The following AP3D1 variants were observed in gnomAD, a reference collection of about 807,000 sequenced individuals.
AP3D1 encodes adaptor related protein complex 3 subunit delta 1.
Under a neutral mutation model 147.6 loss-of-function variants are expected in AP3D1, and 51 were observed. That is an observed-to-expected ratio of 0.35 (90% confidence interval 0.28 to 0.44). The LOEUF is 0.44. Ranked by LOEUF, AP3D1 falls within the 20% of genes least tolerant of loss-of-function variation. The pLI is 1.00. For missense variants in AP3D1, 1,421 were observed against 1,624.2 expected, an observed-to-expected ratio of 0.87 and a Z score of 2.15; for synonymous variants, 760 against 663.0, an observed-to-expected ratio of 1.15 and a Z score of -2.25.
Position 2,150,839 on chromosome 19 carries a change from G to C in AP3D1, c.96+400C>G, listed in dbSNP as rs1014997874. Among the ~76,000 whole-genome samples, 3 of 152,336 alleles carry C rather than the reference G, an allele frequency of 2.0e-5. No individual in the cohort carries two copies. In the East Asian group the frequency reaches 5.8e-4, roughly 29 times the overall value. ...ACTCAGGTTGAAGAAGCTCTGCCCAGAGACCTCGCAAGTCTCCTGGGAGGG... is the reference window on the plus strand; with the variant it reads ...ACTCAGGTTGAAGAAGCTCTGCCCACAGACCTCGCAAGTCTCCTGGGAGGG... On this transcript the variant is annotated intron_variant, in intron 1 of 31. Coordinates refer to ENST00000643116, the MANE Select transcript of AP3D1 (RefSeq NM_001261826.3).
intron 1 of AP3D1, among the ~76,000 whole-genome samples, chr19:2,162,222 G>C (rs1208320435): frequency 1.3e-5 from 2 of 150,446 alleles, no homozygotes; most frequent in East Asian, 4.1e-4. Context: ...ATTTTTAGTA[G>C]AGACGGGGTT....
intron 14 of AP3D1, among the ~76,000 whole-genome samples, chr19:2,119,460 G>A (rs577332343): frequency 1.4e-4 from 22 of 152,170 alleles, no homozygotes; most frequent in South Asian, 1.0e-3. Flanking sequence ...TTGGGACGCC[G>A]AGGCGGGCGG....
intron 1 of AP3D1, among the ~76,000 whole-genome samples, chr19:2,157,451 A>AAAAAAAAAG (rs2019656022): frequency 2.6e-5 from 2 of 78,006 alleles, no homozygotes; most frequent in East Asian, 6.3e-4. Context: ...CAAAAAAAAA[A>AAAAAAAAAG]AAAAAAAAAG....
intron 2 of AP3D1, among the ~76,000 whole-genome samples, chr19:2,138,107 G>C (rs1400752434): frequency 6.6e-6 from 1 of 152,168 alleles, no homozygotes; most frequent in Non-Finnish European, 1.5e-5. Context: ...TTGGCGAATC[G>C]GCTCCTTGAA....
At chr19:2,110,647 A>G (rs960766488) in intron 27 of AP3D1, 60 bp downstream of exon 27, 1 of 1,474,450 alleles carries the variant, frequency 6.8e-7, no homozygotes, top group African/African-American at 1.4e-5. Flanking sequence ...CCGGGCAGTC[A>G]CCAGCTGCCA....
intron 9 of AP3D1, among the ~76,000 whole-genome samples, chr19:2,125,754 T>C (rs943559108): frequency 2.0e-5 from 3 of 151,796 alleles, no homozygotes; most frequent in Non-Finnish European, 4.4e-5. Context: ...GTTAATTATC[T>C]GAATTGTGCT....
At chr19:2,129,540 T>C in intron 6 of AP3D1, 83 bp from the exon 7 acceptor site, 4 of 1,487,164 alleles carry the variant, frequency 2.7e-6, no homozygotes, top group Non-Finnish European at 3.6e-6. Context: ...CGCGAGGAAG[T>C]TCTGGGGCCT....
intron 1 of AP3D1, among the ~76,000 whole-genome samples, chr19:2,162,554 G>C (rs1025232838): frequency 5.9e-5 from 9 of 151,270 alleles, no homozygotes; most frequent in African/African-American, 2.2e-4. Context: ...CCAGCTACTC[G>C]GGAGGCTGAG....
chr19:2,104,994 C>G (rs1568271905), intron 31 of AP3D1, among the ~76,000 whole-genome samples: 1 of 152,106 alleles, frequency 6.6e-6, no homozygotes, highest in Non-Finnish European at 1.5e-5. Flanking sequence ...TTTAAAGTAG[C>G]TGTTAGGAAA....
intron 1 of AP3D1, among the ~76,000 whole-genome samples, chr19:2,147,530 TGG>T (rs1356627255): frequency 1.4e-5 from 2 of 145,338 alleles, no homozygotes; most frequent in Non-Finnish European, 3.0e-5. Context: ...CACTCCAGCC[TGG>T]GCAACACAGC....
At chr19:2,127,617 C>T (rs2018794372) in intron 8 of AP3D1, among the ~76,000 whole-genome samples, 1 of 152,232 alleles carries the variant, frequency 6.6e-6, no homozygotes, top group Admixed American at 6.5e-5. Context: ...CTCCGCCTCT[C>T]AGGTTCAAGC....
intron 4 of AP3D1, among the ~76,000 whole-genome samples, chr19:2,136,159 C>A (rs183815241): frequency 6.6e-6 from 1 of 152,302 alleles, no homozygotes; most frequent in East Asian, 1.9e-4. Flanking sequence ...GCGGCCCAGG[C>A]GGGACGCCCA....
intron 1 of AP3D1, among the ~76,000 whole-genome samples, chr19:2,146,010 G>A (rs186005471): frequency 6.6e-6 from 1 of 150,668 alleles, no homozygotes; most frequent in Non-Finnish European, 1.5e-5. Flanking sequence ...TTGCTGCTGG[G>A]AGAAGCTCTG....
intron 1 of AP3D1, among the ~76,000 whole-genome samples, chr19:2,139,644 G>C (rs549508200): frequency 1.3e-5 from 2 of 152,306 alleles, no homozygotes; most frequent in Admixed American, 6.5e-5. Flanking sequence ...GGCTTGGAGT[G>C]CCTCCATCAG....
chr19:2,122,339 AC>A (rs1350863565), intron 11 of AP3D1, among the ~76,000 whole-genome samples: 2 of 152,204 alleles, frequency 1.3e-5, no homozygotes, highest in Non-Finnish European at 2.9e-5. Flanking sequence ...AGATGCCACA[AC>A]CTAAGCCAGG....
At chr19:2,122,547 C>T (rs746027070) in intron 11 of AP3D1, among the ~76,000 whole-genome samples, 7 of 152,190 alleles carry the variant, frequency 4.6e-5, no homozygotes, top group Non-Finnish European at 1.0e-4. Context: ...TACTGAGACC[C>T]GCGTGTGGGT....
At chr19:2,114,037 C>T (rs1271132481) in intron 22 of AP3D1, 88 bp downstream of exon 22, 2 of 1,475,132 alleles carry the variant, frequency 1.4e-6, no homozygotes, top group Admixed American at 5.2e-5. Flanking sequence ...GACTCACAGC[C>T]ATTTCCCCTG....
chr19:2,144,872 C>T (rs1326591086), intron 1 of AP3D1, among the ~76,000 whole-genome samples: 2 of 152,156 alleles, frequency 1.3e-5, no homozygotes, highest in Admixed American at 1.3e-4. Flanking sequence ...CACTGCACTC[C>T]AGCCTGGGCG....
intron 1 of AP3D1, among the ~76,000 whole-genome samples, chr19:2,158,707 G>A (rs1422991059): frequency 1.3e-5 from 2 of 151,386 alleles, no homozygotes; most frequent in African/African-American, 4.9e-5. Context: ...AGGTTCAAAC[G>A]ATTCTCTTGC....
Sources: allele counts gnomAD v4.1 joint callset (sites outside exome capture counted in the v4.1 genomes callset), GRCh38; gene constraint gnomAD v4.1.1; transcripts MANE v1.5; gene names NCBI Gene and HGNC (gene_info 2026-07-23, HGNC 2026-07-21).